Variants in TRIT1 observed in about 807,000 individuals in gnomAD.
TRIT1 encodes tRNA dimethylallyltransferase.
In TRIT1, 43 loss-of-function variants were observed where a neutral mutation model predicts 51.2. The observed-to-expected ratio is 0.84, with a 90% CI of 0.66 to 1.08. The LOEUF is 1.08. Among genes scored for constraint, TRIT1 ranks in the 50% least tolerant of loss-of-function variants. The pLI is 0.00. For synonymous variants in TRIT1, 184 were observed against 203.9 expected (o/e 0.90, Z 0.83); for missense variants, 528 against 578.4 (o/e 0.91, Z 0.89).
Position 39,857,251 on chromosome 1 carries a change from C to G in TRIT1, c.315+26G>C, listed in dbSNP as rs368172889. Reference sequence around the variant, plus strand: ...CTTGGGCTGCTTTCACCCACCAAACCCAGCTGCTGCCTTTCCTAAGGATAT... The same window carrying G: ...CTTGGGCTGCTTTCACCCACCAAACGCAGCTGCTGCCTTTCCTAAGGATAT... On this transcript the variant is annotated intron_variant, in intron 2 of 10. Transcript: ENST00000316891. 71 of 1,580,556 alleles carry G rather than the reference C, an allele frequency of 4.5e-5. No individual in the cohort carries two copies. In the African/African-American group the frequency reaches 7.8e-4, roughly 17 times the overall value.
intron 1 of TRIT1, among the ~76,000 whole-genome samples, chr1:39,867,563 A>G (rs1408210784): frequency 6.6e-6 from 1 of 152,240 alleles, no homozygotes; most frequent in African/African-American, 2.4e-5. Context: ...CTAAACAAAC[A>G]TTAGGGCAGA....
Position 39,844,506 on chromosome 1 carries a change from AGAATGTATCAT to A in TRIT1, c.1116+14_1116+24del. The A allele has an allele frequency of 6.4e-7, 1 of 1,573,628 alleles. No homozygotes were observed. The highest frequency in any genetic ancestry group is 8.7e-7 in the Non-Finnish European group (1 of 1,143,214). On this transcript the variant is annotated intron_variant, in intron 9 of 10. Coordinates refer to ENST00000316891, the MANE Select transcript of TRIT1 (RefSeq NM_017646.6). ...GAAAGTGCTCTGAAAACCAGAAAAT[AGAATGTATCAT>A]GATTCATAATTACCTGGATGAAACT...
intron 1 of TRIT1, among the ~76,000 whole-genome samples, chr1:39,869,520 G>A (rs1274952041): frequency 2.0e-5 from 3 of 152,096 alleles, no homozygotes; most frequent in Admixed American, 1.3e-4. Context: ...CTGCCCGGCC[G>A]CCACCCCGTC....
intron 2 of TRIT1, among the ~76,000 whole-genome samples, chr1:39,856,249 T>C (rs528527182): frequency 6.6e-6 from 1 of 152,172 alleles, no homozygotes; most frequent in Non-Finnish European, 1.5e-5. Context: ...GAGATTGCAG[T>C]GAGCCAAGAT....
At chr1:39,877,034 A>C (rs1281888850) in intron 1 of TRIT1, among the ~76,000 whole-genome samples, 4 of 150,726 alleles carry the variant, frequency 2.7e-5, no homozygotes, top group Non-Finnish European at 4.4e-5. Context: ...AAAAAAAAAA[A>C]AAAAAAAAAA....
intron 1 of TRIT1, among the ~76,000 whole-genome samples, chr1:39,881,881 T>C (rs951159217): frequency 2.0e-5 from 3 of 152,218 alleles, no homozygotes; most frequent in Admixed American, 6.5e-5. Context: ...CATTAATATC[T>C]CTGTCCAAAC....
At chr1:39,850,801 C>T (rs1327868012) in intron 4 of TRIT1, among the ~76,000 whole-genome samples, 1 of 152,156 alleles carries the variant, frequency 6.6e-6, no homozygotes, top group African/African-American at 2.4e-5. Context: ...GTCTGGCTGG[C>T]GTGCCTTTCC....
intron 1 of TRIT1, among the ~76,000 whole-genome samples, chr1:39,858,818 C>G (rs1338164890): frequency 6.6e-6 from 1 of 152,176 alleles, no homozygotes; most frequent in African/African-American, 2.4e-5. Context: ...TGACAGCAGA[C>G]TCACATTCTC....
In TRIT1 at chr1:39,848,022, T is replaced by C. The variant is rs775171278; in HGVS notation, c.779A>G (p.His260Arg). The C allele has an allele frequency of 1.1e-5, 18 of 1,614,044 alleles. No individual in the cohort carries two copies. The African/African-American group carries it at 2.4e-4, about 22-fold the overall frequency. Residue 260 changes from histidine (H) to arginine (R), a missense_variant, in exon 6 of 11, where the codon CAC (histidine) becomes CGC (arginine). By Grantham distance (29) the His-to-Arg change is conservative. Transcript: ENST00000316891. ...AGLLEELRDF[H>R]RRYNQKNVSE... Reference sequence around the variant, plus strand: ...AACATTCTTCTGATTATAGCGTCTGTGAAAATCTCTTAGTTCCTCCAAGAG... The same window carrying C: ...AACATTCTTCTGATTATAGCGTCTGCGAAAATCTCTTAGTTCCTCCAAGAG...
intron 1 of TRIT1, among the ~76,000 whole-genome samples, chr1:39,871,470 C>T (rs1643881638): frequency 6.6e-6 from 1 of 151,466 alleles, no homozygotes; most frequent in Non-Finnish European, 1.5e-5. Context: ...GTCCCAGCTA[C>T]TTGGGGTGCT....
At chr1:39,860,402 T>C (rs1045567454) in intron 1 of TRIT1, among the ~76,000 whole-genome samples, 5 of 152,210 alleles carry the variant, frequency 3.3e-5, no homozygotes, top group African/African-American at 9.6e-5. Context: ...AACTGAAAAC[T>C]TCTGAGCACC....
chr1:39,883,505 G>A, upstream of TRIT1: 1 of 1,585,232 alleles, frequency 6.3e-7, no homozygotes, highest in South Asian at 1.1e-5. Context: ...ATGGCAGTCT[G>A]CGCTTGCGCC....
chr1:39,853,828 C>T (rs1055810156), intron 3 of TRIT1, 142 bp downstream of exon 3: 2 of 610,086 alleles, frequency 3.3e-6, no homozygotes, highest in Non-Finnish European at 5.7e-6. Context: ...ATGGAGGTGG[C>T]ATTTGCTTGA....
intron 1 of TRIT1, among the ~76,000 whole-genome samples, chr1:39,859,706 G>A (rs1479341807): frequency 6.6e-6 from 1 of 152,058 alleles, no homozygotes; most frequent in Non-Finnish European, 1.5e-5. Context: ...CTGTAGCTTA[G>A]AATTCCAAAT....
chr1:39,874,280 T>C (rs1322759608), intron 1 of TRIT1, among the ~76,000 whole-genome samples: 2 of 152,158 alleles, frequency 1.3e-5, no homozygotes, highest in African/African-American at 4.8e-5. Context: ...CTGTGCCTAC[T>C]AGAATGTTAG....
In TRIT1 at chr1:39,856,182, TG is replaced by T. The variant is rs992780031; in HGVS notation, c.315+1094del. ...TTAGCCAGGTGTGGTGGCATGTGCCTGTAGTCCCAGCTACTCAGGAGGATGA... is the reference window on the plus strand; with the variant it reads ...TTAGCCAGGTGTGGTGGCATGTGCCTTAGTCCCAGCTACTCAGGAGGATGA... On this transcript the variant is annotated intron_variant, in intron 2 of 10. Coordinates refer to ENST00000316891, the MANE Select transcript of TRIT1 (RefSeq NM_017646.6). 1.2e-4 allele frequency among the ~76,000 whole-genome samples: 19 copies of T among 152,144 alleles called. 1 individual carries two copies. The highest frequency in any genetic ancestry group is 4.6e-4 in the African/African-American group (19 of 41,438).
intron 2 of TRIT1, among the ~76,000 whole-genome samples, chr1:39,854,721 A>T (rs1642792139): frequency 6.6e-6 from 1 of 152,272 alleles, no homozygotes; most frequent in South Asian, 2.1e-4. Context: ...TGCCTAAAAA[A>T]TAGTAAGCAC....
intron 4 of TRIT1, among the ~76,000 whole-genome samples, chr1:39,851,652 C>T (rs151160286): frequency 6.6e-6 from 1 of 152,076 alleles, no homozygotes; most frequent in East Asian, 1.9e-4. Context: ...CTGAAGAAAT[C>T]CTTTTCTTGG....
chr1:39,843,231 C>G (rs1232758238), intron 10 of TRIT1, among the ~76,000 whole-genome samples: 1 of 152,188 alleles, frequency 6.6e-6, no homozygotes, highest in Non-Finnish European at 1.5e-5. Context: ...GGAGAAAAAT[C>G]TACTTCTCTG....
Sources: allele counts gnomAD v4.1 joint callset (sites outside exome capture counted in the v4.1 genomes callset), GRCh38; gene constraint gnomAD v4.1.1; transcripts MANE v1.5; gene names NCBI Gene and HGNC (gene_info 2026-07-23, HGNC 2026-07-21).